The following ERLIN1 variants were observed in gnomAD, a reference collection of about 807,000 sequenced individuals.
The protein encoded by ERLIN1 is erlin-1.
ERLIN1 carries 24 observed loss-of-function variants against 46.9 expected under a neutral mutation model. The ratio of observed to expected loss-of-function variants is 0.51; its 90% CI spans 0.37 to 0.72. ERLIN1 has a LOEUF of 0.72. Among genes scored for constraint, ERLIN1 ranks in the 30% least tolerant of loss-of-function variants. The pLI is 0.00. For missense variants in ERLIN1, 293 were observed against 417.9 expected (o/e 0.70, Z 2.61); for synonymous variants, 158 against 143.2 (o/e 1.10, Z -0.74).
chr10:100,169,817 A>C lies in ERLIN1; in HGVS notation c.505-2411T>G, dbSNP rs145076777. On this transcript the variant is annotated intron_variant, in intron 6 of 10. Coordinates refer to ENST00000421367, the MANE Select transcript of ERLIN1 (RefSeq NM_006459.4). Reference sequence around the variant, plus strand: ...AGGATTGCATGAGGCCAGGAGTTTGAGACCAGCCTGGGCAACACGGCAAAG... The same window carrying C: ...AGGATTGCATGAGGCCAGGAGTTTGCGACCAGCCTGGGCAACACGGCAAAG... Among the ~76,000 whole-genome samples the C allele has an allele frequency of 2.1e-3, 323 of 152,328 alleles. 3 individuals carry two copies. Among genetic ancestry groups the C allele is most frequent in the African/African-American group, 7.2e-3 (300 of 41,572 alleles).
chr10:100,174,954 C>T (rs188774208), intron 5 of ERLIN1, among the ~76,000 whole-genome samples: 1 of 152,194 alleles, frequency 6.6e-6, no homozygotes, highest in South Asian at 2.1e-4. Flanking sequence ...CATCAGTTTC[C>T]TCACATGCCA....
chr10:100,174,213 T>C lies in ERLIN1; in HGVS notation c.499A>G (p.Ile167Val). Residue 167 changes from isoleucine to valine, a missense_variant, in exon 6 of 11, where the codon ATA (isoleucine) becomes GTA (valine). Physicochemically the swap from Ile to Val is conservative, Grantham distance 29. Transcript: ENST00000421367. ...DLNLMAPGLT[I>V]QAVRVTKPKI... ...TCCCTAGGAAAAGAACTTACCTGTA[T>C]AGTGAGACCTGGGGCCATGAGGTTT... 1.3e-6 allele frequency: 2 copies of C among 1,559,186 alleles called. No homozygotes were observed. The highest frequency in any genetic ancestry group is 1.7e-6 in the Non-Finnish European group (2 of 1,148,678).
intron 7 of ERLIN1, among the ~76,000 whole-genome samples, chr10:100,165,746 G>T (rs1295385796): frequency 2.0e-5 from 3 of 152,052 alleles, no homozygotes; most frequent in Non-Finnish European, 4.4e-5. Context: ...TTCTTTTTGA[G>T]ACAGAGTTTC....
At chr10:100,153,039 C>T (rs1326524032) in intron 10 of ERLIN1, among the ~76,000 whole-genome samples, 1 of 152,196 alleles carries the variant, frequency 6.6e-6, no homozygotes, top group East Asian at 1.9e-4. Context: ...GAGAGAGATA[C>T]ACAGGTCAGT....
chr10:100,173,153 C>T (rs994228772), intron 6 of ERLIN1, among the ~76,000 whole-genome samples: 3 of 152,138 alleles, frequency 2.0e-5, no homozygotes, highest in South Asian at 4.1e-4. Context: ...TCACAGTGAG[C>T]GCACACTCTC....
At chr10:100,182,050 C>T (rs549191819) in intron 2 of ERLIN1, among the ~76,000 whole-genome samples, 2 of 152,088 alleles carry the variant, frequency 1.3e-5, no homozygotes, top group South Asian at 4.2e-4. Context: ...TATATATACA[C>T]AATTAAACTC....
At chr10:100,175,527 T>C (rs893721207) in intron 5 of ERLIN1, among the ~76,000 whole-genome samples, 2 of 152,222 alleles carry the variant, frequency 1.3e-5, no homozygotes, top group African/African-American at 4.8e-5. Flanking sequence ...TGCATTTTGC[T>C]GGTGTGCCTT....
intron 4 of ERLIN1, among the ~76,000 whole-genome samples, chr10:100,176,685 A>G (rs1247967089): frequency 6.6e-6 from 1 of 152,162 alleles, no homozygotes; most frequent in African/African-American, 2.4e-5. Context: ...AGAAACAGAG[A>G]ATTTTAGAAA....
intron 7 of ERLIN1, among the ~76,000 whole-genome samples, 181 bp downstream of exon 7, chr10:100,167,167 T>C (rs1482788398): frequency 3.9e-5 from 6 of 152,146 alleles, no homozygotes; most frequent in Admixed American, 1.3e-4. Context: ...AAGAGAACAC[T>C]AGTAAGAGTC....
intron 8 of ERLIN1, among the ~76,000 whole-genome samples, chr10:100,163,584 A>G (rs1239035804): frequency 1.3e-5 from 2 of 152,158 alleles, no homozygotes; most frequent in Admixed American, 1.3e-4. Context: ...ACTGTAAACA[A>G]TCCTGCCATG....
intron 4 of ERLIN1, among the ~76,000 whole-genome samples, chr10:100,176,997 C>T (rs1350307143): frequency 6.6e-6 from 1 of 152,118 alleles, no homozygotes; most frequent in African/African-American, 2.4e-5. Flanking sequence ...AGGCATACAC[C>T]TGTAGTCCCA....
chr10:100,156,297 G>A (rs541270671), intron 8 of ERLIN1, 63 bp from the exon 9 acceptor site: 21 of 982,930 alleles, frequency 2.1e-5, no homozygotes, highest in East Asian at 1.5e-4. Flanking sequence ...GAGGCACTTC[G>A]AACCAGCAGC....
chr10:100,167,083 T>C (rs956950928), intron 7 of ERLIN1, among the ~76,000 whole-genome samples: 31 of 152,212 alleles, frequency 2.0e-4, no homozygotes, highest in Non-Finnish European at 2.9e-5. Flanking sequence ...TATAGCTCCT[T>C]AAGCTTCCAG....
intron 7 of ERLIN1, 28 bp downstream of exon 7, chr10:100,167,320 A>G (rs1388104630): frequency 6.5e-7 from 1 of 1,534,664 alleles, no homozygotes; most frequent in Non-Finnish European, 9.0e-7. Flanking sequence ...CTAAACAGAA[A>G]TATTGGGATC....
intron 6 of ERLIN1, among the ~76,000 whole-genome samples, chr10:100,169,348 G>A (rs1843853805): frequency 6.6e-6 from 1 of 151,612 alleles, no homozygotes; most frequent in Non-Finnish European, 1.5e-5. Context: ...CTGACCCCTG[G>A]GTTTTAAGCA....
chr10:100,184,520 A>G (rs1379983936), intron 1 of ERLIN1, among the ~76,000 whole-genome samples: 2 of 152,236 alleles, frequency 1.3e-5, no homozygotes, highest in Admixed American at 1.3e-4. Flanking sequence ...CACCTTGTAA[A>G]TTCATAGAAC....
chr10:100,152,896 G>C (rs1404815375), intron 10 of ERLIN1, among the ~76,000 whole-genome samples: 1 of 151,922 alleles, frequency 6.6e-6, no homozygotes, highest in South Asian at 2.1e-4. Context: ...TGTTGCCCAG[G>C]CTGGAATACA....
chr10:100,153,370 G>T (rs970078292), intron 10 of ERLIN1, among the ~76,000 whole-genome samples: 1 of 151,962 alleles, frequency 6.6e-6, no homozygotes, highest in African/African-American at 2.4e-5. Context: ...TCTAAATCAG[G>T]ATGCCAAGAT....
intron 4 of ERLIN1, among the ~76,000 whole-genome samples, chr10:100,177,853 C>A (rs542481043): frequency 6.6e-6 from 1 of 152,336 alleles, no homozygotes; most frequent in South Asian, 2.1e-4. Context: ...TATCTCTCAT[C>A]CTGACTGGAT....
Sources: gnomAD v4.1 joint callset for allele counts (sites outside exome capture counted in the v4.1 genomes callset) on GRCh38, gnomAD v4.1.1 for gene constraint, MANE v1.5 for transcripts, NCBI Gene and HGNC (gene_info 2026-07-23, HGNC 2026-07-21) for gene names.